Variants in GPC5 observed in about 807,000 individuals in gnomAD.
GPC5 encodes glypican 5.
A neutral mutation model predicts 53.9 loss-of-function variants in GPC5; 47 were observed. That is an observed-to-expected ratio of 0.87 (90% confidence interval 0.69 to 1.11). The LOEUF (loss-of-function observed/expected upper bound fraction) is 1.11. GPC5 is among the 50% of genes most tolerant of loss of function. GPC5 has a pLI of 0.00. For missense variants in GPC5, 748 were observed against 713.1 expected (o/e 1.05, Z -0.56); for synonymous variants, 286 against 263.3 (o/e 1.09, Z -0.84).
In GPC5 at chr13:92,555,646, A is replaced by T. The variant is rs367786974; in HGVS notation, c.1562-310636A>T. On this transcript the variant is annotated intron_variant, in intron 7 of 7. Transcript: ENST00000377067. ...AAGTAAATGCATGTAATTTATTTTCAATTTTAATTTAAAATTAGACATATA... is the reference window on the plus strand; with the variant it reads ...AAGTAAATGCATGTAATTTATTTTCTATTTTAATTTAAAATTAGACATATA... 5.3e-4 allele frequency among the ~76,000 whole-genome samples: 79 copies of T among 150,210 alleles called. 1 individual carries two copies. In the East Asian group the frequency reaches 0.013, roughly 26 times the overall value.
chr13:92,782,500 T>A (rs1225737328), intron 7 of GPC5, among the ~76,000 whole-genome samples: 2 of 152,012 alleles, frequency 1.3e-5, no homozygotes, highest in African/African-American at 4.8e-5. Context: ...TTATACTGAA[T>A]CCTAAAGAAT....
At chr13:92,457,926 C>T (rs1021255524) in intron 7 of GPC5, among the ~76,000 whole-genome samples, 1 of 152,106 alleles carries the variant, frequency 6.6e-6, no homozygotes, top group Non-Finnish European at 1.5e-5. Context: ...ACTATTGCTT[C>T]CTCTCTGTCC....
At chr13:92,605,582 T>G (rs892347487) in intron 7 of GPC5, among the ~76,000 whole-genome samples, 3 of 149,540 alleles carry the variant, frequency 2.0e-5, no homozygotes, top group East Asian at 3.9e-4. Flanking sequence ...ACTAGTTTTT[T>G]TTTTTTTTTT....
intron 2 of GPC5, among the ~76,000 whole-genome samples, chr13:91,648,471 G>C (rs957744300): frequency 6.6e-6 from 1 of 151,766 alleles, no homozygotes; most frequent in Non-Finnish European, 1.5e-5. Context: ...TGTATTTTTT[G>C]ATATATATAA....
At chr13:92,691,387 G>A (rs957821468) in intron 7 of GPC5, among the ~76,000 whole-genome samples, 36 of 144,606 alleles carry the variant, frequency 2.5e-4, no homozygotes, top group Non-Finnish European at 2.7e-4. Flanking sequence ...GACCCCTTGC[G>A]CTTCCCAGGT....
At chr13:91,936,389 C>T (rs2039871422) in intron 6 of GPC5, among the ~76,000 whole-genome samples, 1 of 151,924 alleles carries the variant, frequency 6.6e-6, no homozygotes, top group Non-Finnish European at 1.5e-5. Context: ...AACGTTTCTG[C>T]TTATTTTCCA....
intron 6 of GPC5, among the ~76,000 whole-genome samples, chr13:91,926,359 TAAAA>T (rs34690525): frequency 3.1e-5 from 3 of 96,334 alleles, no homozygotes; most frequent in Non-Finnish European, 4.2e-5. Flanking sequence ...AGACTCCACC[TAAAA>T]AAAAAAAAAA....
intron 3 of GPC5, among the ~76,000 whole-genome samples, chr13:91,721,147 G>T (rs1416213466): frequency 2.3e-5 from 3 of 131,546 alleles, no homozygotes; most frequent in Admixed American, 8.4e-5. Context: ...CTTTTTTTGG[G>T]TGGGGGGACT....
intron 5 of GPC5, among the ~76,000 whole-genome samples, chr13:91,852,653 A>T (rs2038927202): frequency 6.6e-6 from 1 of 152,074 alleles, no homozygotes; most frequent in Non-Finnish European, 1.5e-5. Flanking sequence ...TCTTGGGAGT[A>T]TGTCTTCTCT....
Position 92,866,389 on chromosome 13 carries a change from A to T in GPC5, c.1669A>T (p.Met557Leu). 2 of 1,612,410 alleles carry T rather than the reference A, an allele frequency of 1.2e-6. No homozygotes were observed. Among genetic ancestry groups the T allele is most frequent in the Non-Finnish European group, 1.7e-6 (2 of 1,178,908 alleles). Residue 557 changes from methionine to leucine, a missense_variant, in exon 8 of 8, where the codon ATG (methionine) becomes TTG (leucine). By Grantham distance (15) the Met-to-Leu change is conservative (BLOSUM62 2). Coordinates refer to ENST00000377067, the MANE Select transcript of GPC5 (RefSeq NM_004466.6). ...GAGCAVATES[M>L]TFTLISVVML... The stretch of plus-strand genomic sequence containing the variant: ...AGGATGTGCAGTGGCGACTGAATCT[A>T]TGACATTCACTCTGATAAGTGTGGT...
chr13:92,164,931 C>T (rs2042016499), intron 7 of GPC5, among the ~76,000 whole-genome samples: 1 of 152,250 alleles, frequency 6.6e-6, no homozygotes, highest in African/African-American at 2.4e-5. Flanking sequence ...GGTTCGCACC[C>T]TCTGAAGCAA....
chr13:92,692,318 A>C (rs1299801588), intron 7 of GPC5, among the ~76,000 whole-genome samples: 1 of 152,016 alleles, frequency 6.6e-6, no homozygotes. Flanking sequence ...GCTATTGTGA[A>C]TAGTGCTGCA....
chr13:91,889,720 T>C (rs1212257440), intron 5 of GPC5, among the ~76,000 whole-genome samples: 1 of 152,176 alleles, frequency 6.6e-6, no homozygotes, highest in Non-Finnish European at 1.5e-5. Flanking sequence ...CAAATATGCA[T>C]TGAGCTTGTA....
Position 91,539,717 on chromosome 13 carries a change from C to T in GPC5, c.325+90795C>T, listed in dbSNP as rs73608328. Among the ~76,000 whole-genome samples, 715 of 151,806 alleles carry T rather than the reference C, an allele frequency of 4.7e-3. 4 individuals carry two copies. Among genetic ancestry groups the T allele is most frequent in the African/African-American group, 0.016 (682 of 41,394 alleles). ...GTGACAAAAAGAAAAAAGCAAAGCC[C>T]CTGAGAAATGAGGATGTATACTTTA... On this transcript the variant is annotated intron_variant, in intron 2 of 7. Coordinates refer to ENST00000377067, the MANE Select transcript of GPC5 (RefSeq NM_004466.6).
Position 92,462,460 on chromosome 13 carries a change from C to A in GPC5, c.1561+317471C>A, listed in dbSNP as rs538882345. Among the ~76,000 whole-genome samples, 9 of 152,232 alleles carry A rather than the reference C, an allele frequency of 5.9e-5. 1 individual carries two copies. In the South Asian group the frequency reaches 1.9e-3, roughly 32 times the overall value. ...TGGCTTGAGTGACTGGAATGATGGA[C>A]TGGAGATTTACTCAGATGTGGCAGA... On this transcript the variant is annotated intron_variant, in intron 7 of 7. Coordinates refer to ENST00000377067, the MANE Select transcript of GPC5 (RefSeq NM_004466.6).
chr13:91,461,883 C>A (rs1881948501), intron 2 of GPC5, among the ~76,000 whole-genome samples: 1 of 152,064 alleles, frequency 6.6e-6, no homozygotes, highest in Admixed American at 6.6e-5. Flanking sequence ...CCAAGAGTCA[C>A]ATTGTGAGTG....
At chr13:91,454,250 G>T (rs895154550) in intron 2 of GPC5, among the ~76,000 whole-genome samples, 6 of 152,024 alleles carry the variant, frequency 3.9e-5, no homozygotes, top group African/African-American at 1.4e-4. Context: ...TTACTTTTCA[G>T]CTGGAAATAA....
intron 2 of GPC5, among the ~76,000 whole-genome samples, chr13:91,531,455 A>G (rs1886340876): frequency 6.6e-6 from 1 of 152,170 alleles, no homozygotes; most frequent in Non-Finnish European, 1.5e-5. Context: ...TAAAATCCCT[A>G]ACTCTCTTTT....
At chr13:92,576,969 T>A (rs1883206433) in intron 7 of GPC5, among the ~76,000 whole-genome samples, 1 of 152,170 alleles carries the variant, frequency 6.6e-6, no homozygotes, top group Admixed American at 6.5e-5. Context: ...AGTACTTTTT[T>A]AAAAAATTGA....
Sources: gnomAD v4.1 joint callset for allele counts (sites outside exome capture counted in the v4.1 genomes callset) on GRCh38, gnomAD v4.1.1 for gene constraint, MANE v1.5 for transcripts, NCBI Gene and HGNC (gene_info 2026-07-23, HGNC 2026-07-21) for gene names.